DBNDD1: variants seen among roughly 807,000 people sequenced by gnomAD.
The protein encoded by DBNDD1 is dysbindin domain-containing protein 1.
Under a neutral mutation model 17.0 loss-of-function variants are expected in DBNDD1, and 14 were observed. The observed-to-expected ratio is 0.82, with a 90% confidence interval of 0.54 to 1.29. The LOEUF is 1.29. Among genes scored for constraint, DBNDD1 ranks in the 50% most tolerant of loss-of-function variants. DBNDD1 has a pLI of 0.00. For missense variants in DBNDD1, 221 were observed against 216.2 expected (o/e 1.02, Z -0.14); for synonymous variants, 105 against 102.0 (o/e 1.03, Z -0.18).
rs199610920 is a variant in DBNDD1 at position 90,009,250 on chromosome 16, C to G, written c.178+34G>C. On this transcript the variant is annotated intron_variant, in intron 2 of 3. Transcript: ENST00000002501. ...TCTCTTGGGGGAGCTCACGGGGTCC[C>G]CATAGCGTGCGCTGGGCAGGGAGCA... 8.6e-4 allele frequency: 1,378 copies of G among 1,609,740 alleles called. 14 individuals carry two copies. The African/African-American group carries it at 0.017, about 20-fold the overall frequency.
rs2035417858 is a variant in DBNDD1, at chr16:90,006,118, C to T, written c.*217G>A. ...GCATCCGGGGGCCCCGTGTGTCCCC[C>T]AGGAAAGCCGGCTGGTCTCCAAGTG... On this transcript the variant is annotated 3_prime_UTR_variant, in exon 4 of 4. Transcript: ENST00000002501. 1 of 675,674 alleles carries T rather than the reference C, an allele frequency of 1.5e-6. No individual in the cohort carries two copies. The highest frequency in any genetic ancestry group is 3.0e-5 in the Admixed American group (1 of 32,944). The allele number at this position is 675,674 out of a possible 1,614,324, so 41.9% of individuals were successfully genotyped here.
At chr16:90,008,029 A>T (rs1017146843) in intron 3 of DBNDD1, among the ~76,000 whole-genome samples, 114 of 89,354 alleles carry the variant, frequency 1.3e-3, no homozygotes, top group Non-Finnish European at 2.0e-3. Context: ...ACCTCCCAGG[A>T]CGTCCCAAGG....
intron 1 of DBNDD1, chr16:90,010,059 T>G (rs1297496997): frequency 1.2e-6 from 2 of 1,613,634 alleles, no homozygotes; most frequent in East Asian, 2.2e-5. Context: ...TTTATTTATT[T>G]TTTTTAGATG....
chr16:90,009,737 C>T, intron 1 of DBNDD1: 1 of 632,372 alleles, frequency 1.6e-6, no homozygotes, highest in Non-Finnish European at 2.7e-6. Context: ...GGAAGTCCCA[C>T]CAGGGCCCGC....
intron 1 of DBNDD1, among the ~76,000 whole-genome samples, chr16:90,018,093 G>GA (rs1360556915): frequency 6.6e-6 from 1 of 152,242 alleles, no homozygotes; most frequent in African/African-American, 2.4e-5. Context: ...TCCACTGACA[G>GA]AAATGGAAAT....
chr16:90,019,375 C>T lies in DBNDD1; in HGVS notation c.-34G>A. On this transcript the variant is annotated 5_prime_UTR_variant, in exon 1 of 4. Coordinates refer to ENST00000002501, the MANE Select transcript of DBNDD1 (RefSeq NM_001042610.3). The surrounding 1 kb of genome is among the most constrained non-coding windows in gnomAD (Gnocchi z 6.1). ...TGCGGTCTGGGAGGGGCACGGGCGA[C>T]GGCGGCGTCGCCTGGCCCGGGCGCC... is the stretch of plus-strand genomic sequence containing the variant. The T allele has an allele frequency of 3.4e-6, 4 of 1,191,654 alleles. No individual in the cohort carries two copies. Among genetic ancestry groups the T allele is most frequent in the Non-Finnish European group, 3.1e-6 (3 of 960,798 alleles). 73.8% of individuals were successfully genotyped at this position (1,191,654 alleles called of 1,614,324 possible).
rs200499264 is a variant in DBNDD1, at chr16:90,012,445, AC to A, written c.32-3016del. On this transcript the variant is annotated intron_variant, in intron 1 of 3. Coordinates refer to ENST00000002501, the MANE Select transcript of DBNDD1 (RefSeq NM_001042610.3). The stretch of plus-strand genomic sequence containing the variant: ...CGCCCCTCCTTCTGTCCTGAGGGGC[AC>A]CCCCTCCTCTCCTCTCTCTTTTTTT... Among the ~76,000 whole-genome samples, 441 of 144,304 alleles carry A rather than the reference AC, an allele frequency of 3.1e-3. 3 individuals are homozygous for A. The highest frequency in any genetic ancestry group is 0.011 in the African/African-American group (418 of 39,228). The allele number at this position is 144,304 out of a possible 152,430, so 94.7% of individuals were successfully genotyped here.
At chr16:90,014,878 G>A (rs1413387698) in intron 1 of DBNDD1, among the ~76,000 whole-genome samples, 1 of 151,986 alleles carries the variant, frequency 6.6e-6, no homozygotes, top group Non-Finnish European at 1.5e-5. Flanking sequence ...GGTGGTACGT[G>A]CCTGTAGTCC....
In DBNDD1 at chr16:90,006,098, C is replaced by T. The variant is rs770137856; in HGVS notation, c.*237G>A. The T allele has an allele frequency of 1.8e-5, 10 of 544,816 alleles. No homozygotes were observed. Among genetic ancestry groups the T allele is most frequent in the African/African-American group, 5.6e-5 (3 of 53,222 alleles). 33.7% of individuals were successfully genotyped at this position (544,816 alleles called of 1,614,324 possible). Reference sequence around the variant, plus strand: ...TTGTGCTGGGGCTCCCAGAGGCATCCGGGGGCCCCGTGTGTCCCCCAGGAA... The same window carrying T: ...TTGTGCTGGGGCTCCCAGAGGCATCTGGGGGCCCCGTGTGTCCCCCAGGAA... On this transcript the variant is annotated 3_prime_UTR_variant, in exon 4 of 4. Transcript: ENST00000002501.
At chr16:90,017,608 G>A (rs1309426647) in intron 1 of DBNDD1, among the ~76,000 whole-genome samples, 4 of 152,248 alleles carry the variant, frequency 2.6e-5, no homozygotes, top group Admixed American at 1.3e-4. Flanking sequence ...AGTCTGGAGA[G>A]GAGGCTGTGG....
intron 1 of DBNDD1, among the ~76,000 whole-genome samples, chr16:90,013,983 G>T (rs2035598121): frequency 1.3e-5 from 2 of 152,076 alleles, no homozygotes; most frequent in South Asian, 4.2e-4. Flanking sequence ...GACAGCTGGG[G>T]GCTGTGAGGC....
intron 1 of DBNDD1, among the ~76,000 whole-genome samples, chr16:90,015,300 C>G (rs1268064752): frequency 6.6e-6 from 1 of 152,314 alleles, no homozygotes; most frequent in East Asian, 1.9e-4. Context: ...CCTGAGCCCC[C>G]AGGAGGGGCA....
upstream of DBNDD1, chr16:90,019,757 G>A: frequency 1.5e-6 from 1 of 680,414 alleles, no homozygotes; most frequent in Non-Finnish European, 2.7e-6. This position sits in a 1 kb window ranked among gnomAD's most constrained non-coding sequence, Gnocchi z 6.1. Context: ...GCGTCCTCTT[G>A]TTCTCTTCCA....
At chr16:90,016,533 C>T (rs1316357526) in intron 1 of DBNDD1, among the ~76,000 whole-genome samples, 1 of 152,148 alleles carries the variant, frequency 6.6e-6, no homozygotes, top group Non-Finnish European at 1.5e-5. Flanking sequence ...CTGGTCCTTA[C>T]CCCAGCACAG....
chr16:90,009,172 G>A (rs1297568435), intron 2 of DBNDD1, 112 bp downstream of exon 2: 34 of 1,472,694 alleles, frequency 2.3e-5, no homozygotes, highest in African/African-American at 2.8e-5. Flanking sequence ...ACACAGCGCC[G>A]GACCTAGACC....
chr16:90,006,637 T>G, intron 3 of DBNDD1, 145 bp from the exon 4 acceptor site: 1 of 1,072,496 alleles, frequency 9.3e-7, no homozygotes, highest in Non-Finnish European at 1.3e-6. Flanking sequence ...CATCTACCTC[T>G]AACGGGAGGC....
At chr16:90,006,636 C>T in intron 3 of DBNDD1, 144 bp from the exon 4 acceptor site, 1 of 1,093,662 alleles carries the variant, frequency 9.1e-7, no homozygotes, top group African/African-American at 1.6e-5. Context: ...ACATCTACCT[C>T]TAACGGGAGG....
chr16:90,009,821 G>T, intron 1 of DBNDD1: 9 of 880,266 alleles, frequency 1.0e-5, no homozygotes, highest in Non-Finnish European at 1.6e-5. Context: ...ATCGCCCATG[G>T]ATTTCCATGT....
chr16:90,016,975 G>A (rs539033093), intron 1 of DBNDD1, among the ~76,000 whole-genome samples: 1 of 152,278 alleles, frequency 6.6e-6, no homozygotes, highest in South Asian at 2.1e-4. Context: ...AGGGATGCTG[G>A]AGTGGCCGTG....
Sources: allele counts gnomAD v4.1 joint callset (sites outside exome capture counted in the v4.1 genomes callset), GRCh38; gene constraint gnomAD v4.1.1; non-coding constraint Gnocchi (gnomAD v3.1); transcripts MANE v1.5; gene names NCBI Gene and HGNC (gene_info 2026-07-23, HGNC 2026-07-21).